The following TRIP4 variants were observed in gnomAD, a reference collection of about 807,000 sequenced individuals.
TRIP4 encodes the protein thyroid hormone receptor interactor 4, also known as activating signal cointegrator 1.
TRIP4 carries 54 observed loss-of-function variants against 81.8 expected under a neutral mutation model. The ratio of observed to expected loss-of-function variants is 0.66; its 90% CI spans 0.53 to 0.83. The LOEUF is 0.83. Among genes scored for constraint, TRIP4 ranks in the 40% least tolerant of loss-of-function variants. TRIP4 has a pLI of 0.00. For synonymous variants in TRIP4, 270 were observed against 242.8 expected (o/e 1.11, Z -1.04); for missense variants, 662 against 683.6 (o/e 0.97, Z 0.35).
intron 8 of TRIP4, 97 bp downstream of exon 8, chr15:64,414,308 G>C: frequency 6.6e-7 from 1 of 1,512,410 alleles, no homozygotes; most frequent in East Asian, 2.3e-5. Context: ...ATACCAATCA[G>C]CTCTCTCAAT....
At chr15:64,427,953 C>A (rs777153463) in intron 11 of TRIP4, among the ~76,000 whole-genome samples, 7 of 151,778 alleles carry the variant, frequency 4.6e-5, no homozygotes, top group Non-Finnish European at 1.5e-5. Context: ...CTTCCTCCCC[C>A]CTCTTTTTTT....
Position 64,431,469 on chromosome 15 carries a change from G to A in TRIP4, c.1575+5838G>A, listed in dbSNP as rs141456547. ...CTGTAATCCCAGCACTTTGGGAGGC[G>A]GAGGCTGGTGGATCATGAGGTCAGG... On this transcript the variant is annotated intron_variant, in intron 11 of 12. Transcript: ENST00000261884. Among the ~76,000 whole-genome samples the A allele has an allele frequency of 6.4e-3, 970 of 152,014 alleles. 10 individuals are homozygous for A. The highest frequency in any genetic ancestry group is 0.022 in the African/African-American group (911 of 41,488).
intron 12 of TRIP4, among the ~76,000 whole-genome samples, chr15:64,448,549 C>G (rs1892684167): frequency 6.6e-6 from 1 of 152,118 alleles, no homozygotes; most frequent in South Asian, 2.1e-4. Context: ...CTGCAACTTC[C>G]ATCTCCCAGG....
intron 7 of TRIP4, among the ~76,000 whole-genome samples, chr15:64,413,260 C>T (rs1891810035): frequency 6.6e-6 from 1 of 151,918 alleles, no homozygotes; most frequent in Non-Finnish European, 1.5e-5. Context: ...AGGGCAGTGG[C>T]GCCTTGAACT....
chr15:64,451,305 G>A (rs1211299387), intron 12 of TRIP4, among the ~76,000 whole-genome samples: 1 of 151,448 alleles, frequency 6.6e-6, no homozygotes, highest in Non-Finnish European at 1.5e-5. Flanking sequence ...TAGAGACGGG[G>A]TTTCGCCATG....
intron 9 of TRIP4, among the ~76,000 whole-genome samples, chr15:64,420,581 TG>T (rs1891990797): frequency 6.6e-6 from 1 of 151,456 alleles, no homozygotes; most frequent in Non-Finnish European, 1.5e-5. Flanking sequence ...TGGAGTGCAG[TG>T]GCGTGATCTC....
rs764176765 is a variant in TRIP4 at position 64,395,422 on chromosome 15, G to A, written c.296G>A (p.Gly99Asp). 1.2e-6 allele frequency: 2 copies of A among 1,611,244 alleles called. No homozygotes were observed. Among genetic ancestry groups the A allele is most frequent in the East Asian group, 2.2e-5 (1 of 44,844 alleles). The change falls in exon 3 of 13, where the codon GGC becomes GAC. Residue 99 changes from glycine to aspartate, a missense_variant. Gly to Asp is a moderately conservative substitution (Grantham distance 94). Coordinates refer to ENST00000261884, the MANE Select transcript of TRIP4 (RefSeq NM_016213.5). ...GAAATTTTAGATGGGCAGAAATCAGGCGACCATCTAAAGCGGGGTAGGAAG... is the reference window on the plus strand; with the variant it reads ...GAAATTTTAGATGGGCAGAAATCAGACGACCATCTAAAGCGGGGTAGGAAG... The part of the protein sequence containing the change: ...KDEILDGQKS[G>D]DHLKRGRKKG...
At chr15:64,409,275 T>G (rs1431581731) in intron 6 of TRIP4, among the ~76,000 whole-genome samples, 1 of 151,780 alleles carries the variant, frequency 6.6e-6, no homozygotes, top group Non-Finnish European at 1.5e-5. Context: ...CTAGCAAGAA[T>G]AGGCTGGATC....
intron 9 of TRIP4, among the ~76,000 whole-genome samples, chr15:64,422,571 A>C (rs1023051328): frequency 2.0e-5 from 3 of 152,178 alleles, no homozygotes; most frequent in Admixed American, 6.5e-5. Flanking sequence ...AGGATGATCA[A>C]AACCTTAGAT....
chr15:64,453,374 T>C (rs1434003555), intron 12 of TRIP4, among the ~76,000 whole-genome samples: 1 of 152,240 alleles, frequency 6.6e-6, no homozygotes, highest in East Asian at 1.9e-4. Flanking sequence ...GTCTATAATA[T>C]AAAGGTTTTG....
intron 7 of TRIP4, among the ~76,000 whole-genome samples, chr15:64,410,724 GAT>G (rs1192264379): frequency 6.6e-6 from 1 of 151,950 alleles, no homozygotes; most frequent in Non-Finnish European, 1.5e-5. Flanking sequence ...AAGTCATGAA[GAT>G]ATAAGATATT....
chr15:64,401,084 C>T (rs903140090), intron 5 of TRIP4, among the ~76,000 whole-genome samples: 1 of 151,852 alleles, frequency 6.6e-6, no homozygotes, highest in Non-Finnish European at 1.5e-5. Flanking sequence ...GCCTCAAACT[C>T]CCTAGTAGCT....
intron 3 of TRIP4, 47 bp downstream of exon 3, chr15:64,395,578 A>G: frequency 6.3e-7 from 1 of 1,575,612 alleles, no homozygotes; most frequent in South Asian, 1.2e-5. Context: ...GGAGAAGAGG[A>G]AGTGACTAAT....
intron 11 of TRIP4, among the ~76,000 whole-genome samples, chr15:64,434,835 G>C (rs1892353745): frequency 6.6e-6 from 1 of 152,118 alleles, no homozygotes; most frequent in African/African-American, 2.4e-5. Flanking sequence ...ATGCTGTAGT[G>C]TCGCTATCTA....
Position 64,394,019 on chromosome 15 carries a change from A to C in TRIP4, c.175A>C (p.Lys59Gln). 6.2e-7 allele frequency: 1 copy of C among 1,611,442 alleles called. No individual in the cohort carries two copies. Among genetic ancestry groups the C allele is most frequent in the Non-Finnish European group, 8.5e-7 (1 of 1,178,758 alleles). Residue 59 changes from lysine to glutamine, a missense_variant, in exon 2 of 13, where the codon AAA becomes CAA. Lys to Gln is a moderately conservative substitution (Grantham distance 53). Coordinates refer to ENST00000261884, the MANE Select transcript of TRIP4 (RefSeq NM_016213.5). ...VTDLLQGNEG[K>Q]KGQFIEELIT... ...TGATCTCCTCCAGGGAAATGAAGGC[A>C]AAAAAGGTCAATTCATAGAAGAACT...
chr15:64,398,424 C>CA (rs745672952), intron 4 of TRIP4, among the ~76,000 whole-genome samples: 2,102 of 16,286 alleles, frequency 0.13, 148 homozygotes, highest in African/African-American at 0.17. Context: ...CCTGTCTCTA[C>CA]AAAAAAAAAA....
chr15:64,435,348 C>G (rs961407469), intron 11 of TRIP4, among the ~76,000 whole-genome samples: 7 of 151,040 alleles, frequency 4.6e-5, no homozygotes, highest in Non-Finnish European at 1.0e-4. Context: ...GATGAAACCC[C>G]ATCTCTGCTA....
chr15:64,404,075 C>T (rs1891571048), intron 5 of TRIP4, among the ~76,000 whole-genome samples: 1 of 151,970 alleles, frequency 6.6e-6, no homozygotes, highest in African/African-American at 2.4e-5. Context: ...CCTGTAATCC[C>T]AGCTACTCAG....
In TRIP4 at chr15:64,409,737, C is replaced by A. The variant is rs1891717845; in HGVS notation, c.952C>A (p.His318Asn). ...KREEELRELR[H>N]ASRLSKKVTI... ...AGAGGAGGAGCTGAGAGAACTTCGA[C>A]ACGCCTCTCGACTTTCTAAGAAGGT... Residue 318 changes from histidine (H) to asparagine (N), a missense_variant, in exon 7 of 13, where the codon CAC becomes AAC. His to Asn is a moderately conservative substitution (Grantham distance 68). Transcript: ENST00000261884. The A allele has an allele frequency of 6.2e-7, 1 of 1,614,154 alleles. No homozygotes were observed. The highest frequency in any genetic ancestry group is 8.5e-7 in the Non-Finnish European group (1 of 1,180,044).
Sources: allele counts gnomAD v4.1 joint callset (sites outside exome capture counted in the v4.1 genomes callset), GRCh38; gene constraint gnomAD v4.1.1; transcripts MANE v1.5; gene names NCBI Gene and HGNC (gene_info 2026-07-23, HGNC 2026-07-21).